ANK2: variants seen among roughly 807,000 people sequenced by gnomAD.
ANK2 encodes the protein ankyrin 2, also known as ankyrin-2.
In ANK2, 83 loss-of-function variants were observed where a neutral mutation model predicts 360.5. The observed-to-expected ratio is 0.23, with a 90% CI of 0.19 to 0.28. The LOEUF is 0.28. Among genes scored for constraint, ANK2 ranks in the 10% least tolerant of loss-of-function variants. ANK2 has a pLI of 1.00. For missense variants in ANK2, 4,201 were observed against 4,795.7 expected, an observed-to-expected ratio of 0.88 and a Z score of 3.66; for synonymous variants, 1,740 against 1,759.5, an observed-to-expected ratio of 0.99 and a Z score of 0.28.
rs533692422 is a variant in ANK2, at chr4:113,013,336, A to G, written c.21+108822A>G. Among the ~76,000 whole-genome samples, 78 of 152,344 alleles carry G rather than the reference A, an allele frequency of 5.1e-4. 1 individual carries two copies. The South Asian group carries it at 0.016, about 31-fold the overall frequency. The stretch of plus-strand genomic sequence containing the variant: ...CCAAGAGTTCACAAGGTTATCATAC[A>G]TTGATAATTTTAAAAGGAAAAGTAT... On this transcript the variant is annotated intron_variant, in intron 2 of 30. Coordinates refer to the ANK2 transcript ENST00000503271.
rs1179404050 is a variant in ANK2 at position 113,381,650 on chromosome 4, C to G, written c.*179C>G. The G allele has an allele frequency of 1.9e-6, 3 of 1,543,530 alleles. No homozygotes were observed. The highest frequency in any genetic ancestry group is 2.6e-6 in the Non-Finnish European group (3 of 1,146,590). ...GCAAGAGGCCAAGTGAGGGGCTGCC[C>G]AGTTCTCACACCAGAAACCACACAT... is the stretch of plus-strand genomic sequence containing the variant. On this transcript the variant is annotated 3_prime_UTR_variant, in exon 46 of 46. Transcript: ENST00000357077.
intron 1 of ANK2, among the ~76,000 whole-genome samples, chr4:112,819,996 A>G (rs374374571): frequency 9.3e-4 from 141 of 152,366 alleles, no homozygotes; most frequent in African/African-American, 3.2e-3. Flanking sequence ...CCTTGGGCAC[A>G]TGGATTCCTC....
chr4:113,045,507 T>C (rs1579902075), upstream of ANK2, among the ~76,000 whole-genome samples: 1 of 152,234 alleles, frequency 6.6e-6, no homozygotes, highest in African/African-American at 2.4e-5. Context: ...ACCCACTTTT[T>C]ATTTCAGTTT....
chr4:113,347,494 T>C (rs2094997888), intron 35 of ANK2, among the ~76,000 whole-genome samples: 1 of 152,152 alleles, frequency 6.6e-6, no homozygotes, highest in Admixed American at 6.5e-5. Context: ...CTTTGGCTGA[T>C]TTCAGTGAGC....
At chr4:112,808,057 A>G in the ANK2 span, among the ~76,000 whole-genome samples, 1 of 152,242 alleles carries the variant, frequency 6.6e-6, no homozygotes, top group Non-Finnish European at 1.5e-5. Context: ...AGTCAGTGAG[A>G]AAGTTCTAGT....
intron 4 of ANK2, among the ~76,000 whole-genome samples, chr4:113,223,295 G>A (rs2099171325): frequency 1.3e-5 from 2 of 152,146 alleles, no homozygotes; most frequent in Non-Finnish European, 2.9e-5. Flanking sequence ...GAAGAGTTCT[G>A]CTCTGTGAAG....
At chr4:113,035,254 T>G (rs1404929931) in intron 2 of ANK2, among the ~76,000 whole-genome samples, 2 of 151,790 alleles carry the variant, frequency 1.3e-5, no homozygotes, top group South Asian at 4.2e-4. Flanking sequence ...AGAGGCATAT[T>G]AAGCAGTTAA....
chr4:113,282,891 C>T lies in ANK2; in HGVS notation c.2079+19C>T, dbSNP rs773056275. The T allele has an allele frequency of 1.2e-6, 2 of 1,612,618 alleles. No homozygotes were observed. Among genetic ancestry groups the T allele is most frequent in the East Asian group, 2.2e-5 (1 of 44,852 alleles). On this transcript the variant is annotated intron_variant, in intron 18 of 45. Coordinates refer to ENST00000357077, the MANE Select transcript of ANK2 (RefSeq NM_001148.6). ...AACTAAGGTATTCTGTCCTTTCTTGCATCAATCAAGAGTGTTTTGGATGCA... is the reference window on the plus strand; with the variant it reads ...AACTAAGGTATTCTGTCCTTTCTTGTATCAATCAAGAGTGTTTTGGATGCA...
the ANK2 span, among the ~76,000 whole-genome samples, chr4:112,745,003 C>T: frequency 6.6e-6 from 1 of 152,142 alleles, no homozygotes; most frequent in Admixed American, 6.5e-5. Flanking sequence ...GATTTGTAAG[C>T]CCTTTTTCTC....
intron 1 of ANK2, among the ~76,000 whole-genome samples, chr4:113,159,088 G>A (rs1013569782): frequency 3.3e-5 from 5 of 151,790 alleles, no homozygotes; most frequent in Admixed American, 3.3e-4. Context: ...TAGGTTTTGG[G>A]TATTCTAAGA....
rs1445497013 is a variant in ANK2, at chr4:113,242,096, C to G, written c.793-15C>G. ...TCATACCCAACAGCTCTTGTTTGGTCTTTCTGTGGTGTAGAATGGAATCAC... is the reference window on the plus strand; with the variant it reads ...TCATACCCAACAGCTCTTGTTTGGTGTTTCTGTGGTGTAGAATGGAATCAC... On this transcript the variant is annotated splice_polypyrimidine_tract_variant and intron_variant, in intron 8 of 45. Coordinates refer to ENST00000357077, the MANE Select transcript of ANK2 (RefSeq NM_001148.6). 1.9e-6 allele frequency: 3 copies of G among 1,606,984 alleles called. No individual in the cohort carries two copies. Among genetic ancestry groups the G allele is most frequent in the Non-Finnish European group, 2.6e-6 (3 of 1,173,684 alleles).
At chr4:113,074,211 A>C (rs13149330) in intron 1 of ANK2, among the ~76,000 whole-genome samples, 55 of 152,146 alleles carry the variant, frequency 3.6e-4, no homozygotes, top group Non-Finnish European at 6.8e-4. Flanking sequence ...TTTAATGTTC[A>C]ACTTGATGTG....
intron 2 of ANK2, among the ~76,000 whole-genome samples, chr4:112,939,156 T>C (rs1164434923): frequency 1.3e-5 from 2 of 152,170 alleles, no homozygotes; most frequent in Admixed American, 1.3e-4. Flanking sequence ...TTTAAAATTG[T>C]AATGGTTTAT....
intron 4 of ANK2, among the ~76,000 whole-genome samples, chr4:113,214,734 T>C (rs2099066949): frequency 6.6e-6 from 1 of 152,082 alleles, no homozygotes; most frequent in Non-Finnish European, 1.5e-5. Context: ...GAGGCAAAGG[T>C]CAAGGCATCA....
the ANK2 span, among the ~76,000 whole-genome samples, chr4:112,789,303 G>T: frequency 6.6e-6 from 1 of 152,106 alleles, no homozygotes; most frequent in Non-Finnish European, 1.5e-5. Flanking sequence ...TGGAAATAAA[G>T]GTAGCTGGGA....
intron 1 of ANK2, among the ~76,000 whole-genome samples, chr4:112,899,593 G>A (rs995263109): frequency 6.6e-6 from 1 of 152,138 alleles, no homozygotes; most frequent in African/African-American, 2.4e-5. Context: ...GTTATAAGTA[G>A]TATGAGAATT....
chr4:112,855,277 T>C (rs973843128), intron 1 of ANK2, among the ~76,000 whole-genome samples: 1 of 152,218 alleles, frequency 6.6e-6, no homozygotes, highest in Non-Finnish European at 1.5e-5. Flanking sequence ...AATCTCTCAC[T>C]GTCCACCAGT....
intron 2 of ANK2, among the ~76,000 whole-genome samples, chr4:113,195,624 T>G (rs892512168): frequency 6.6e-6 from 1 of 152,206 alleles, no homozygotes; most frequent in Non-Finnish European, 1.5e-5. Flanking sequence ...AAGCTAATAA[T>G]TGGCACCATG....
At chr4:112,786,636 C>T in the ANK2 span, among the ~76,000 whole-genome samples, 1 of 152,012 alleles carries the variant, frequency 6.6e-6, no homozygotes, top group African/African-American at 2.4e-5. Context: ...ACCTCCTGCC[C>T]ACCTCAGCCT....
Sources: gnomAD v4.1 joint callset for allele counts (sites outside exome capture counted in the v4.1 genomes callset) on GRCh38, gnomAD v4.1.1 for gene constraint, MANE v1.5 for transcripts, NCBI Gene and HGNC (gene_info 2026-07-23, HGNC 2026-07-21) for gene names.